Variants in PDCD4 observed in about 807,000 individuals in gnomAD.
PDCD4 encodes the protein programmed cell death 4.
A neutral mutation model predicts 54.0 loss-of-function variants in PDCD4; 56 were observed. The ratio of observed to expected loss-of-function variants is 1.04; its 90% CI spans 0.84 to 1.30. The LOEUF is 1.30. Ranked by LOEUF, PDCD4 falls within the 50% of genes most tolerant of loss-of-function variation. The pLI, the probability that PDCD4 is intolerant of heterozygous loss-of-function variation, is 0.00. For synonymous variants in PDCD4, 186 were observed against 194.8 expected, an observed-to-expected ratio of 0.95 and a Z score of 0.37; for missense variants, 584 against 559.8, an observed-to-expected ratio of 1.04 and a Z score of -0.44.
intron 10 of PDCD4, among the ~76,000 whole-genome samples, chr10:110,894,943 T>C (rs1845809395): frequency 6.6e-6 from 1 of 152,054 alleles, no homozygotes; most frequent in African/African-American, 2.4e-5. Context: ...AAAAAGGTAG[T>C]AAGTGTAAAT....
chr10:110,874,626 C>T (rs1012632540), intron 1 of PDCD4, among the ~76,000 whole-genome samples: 6 of 151,952 alleles, frequency 3.9e-5, no homozygotes, highest in Non-Finnish European at 8.8e-5. Context: ...AATGATCTCA[C>T]CATTTTCTTA....
Position 110,887,636 on chromosome 10 carries a change from A to G in PDCD4, c.556-29A>G, listed in dbSNP as rs746558046. ...AACTATAGGTAGTGATACACTTTTA[A>G]AATGTTTTTAAATTATTTTTTTGAA... On this transcript the variant is annotated intron_variant, in intron 5 of 11. Coordinates refer to ENST00000280154, the MANE Select transcript of PDCD4 (RefSeq NM_014456.5). The G allele has an allele frequency of 6.5e-6, 10 of 1,528,546 alleles. No individual in the cohort carries two copies. The East Asian group carries it at 2.0e-4, about 31-fold the overall frequency. 94.7% of individuals were successfully genotyped at this position (1,528,546 alleles called of 1,614,324 possible).
Position 110,883,042 on chromosome 10 carries a change from A to C in PDCD4, c.386A>C (p.Gln129Pro). 1 of 1,600,798 alleles carries C rather than the reference A, an allele frequency of 6.2e-7. No individual in the cohort carries two copies. The highest frequency in any genetic ancestry group is 8.5e-7 in the Non-Finnish European group (1 of 1,174,994). The stretch of plus-strand genomic sequence containing the variant: ...AAAGGTGTCTGGGGTACACCTGGAC[A>C]GGTGTATGATGTGGAGGAGGTGGAT... ...GGKGVWGTPG[Q>P]VYDVEEVDVK... The change falls in exon 4 of 12, where the codon CAG becomes CCG. Residue 129 changes from glutamine (Q) to proline (P), a missense_variant. Physicochemically the swap from Gln to Pro is moderately conservative, Grantham distance 76. Coordinates refer to ENST00000280154, the MANE Select transcript of PDCD4 (RefSeq NM_014456.5).
Position 110,887,691 on chromosome 10 carries a change from T to C in PDCD4, c.582T>C (p.Gly194=). 2 of 1,612,468 alleles carry C rather than the reference T, an allele frequency of 1.2e-6. No individual in the cohort carries two copies. The highest frequency in any genetic ancestry group is 1.7e-6 in the Non-Finnish European group (2 of 1,178,722). Residue 194 remains glycine, a synonymous_variant, in exon 6 of 12, where the codon GGT becomes GGC. Transcript: ENST00000280154. Reference sequence around the variant, plus strand: ...AAATGTTAAGAGATTTAAATCTTGGTGAAATGAAAAGTGGAGTACCAGTGT... The same window carrying C: ...AAATGTTAAGAGATTTAAATCTTGGCGAAATGAAAAGTGGAGTACCAGTGT... ...VAEMLRDLNL[G]EMKSGVPVLA... is the part of the protein sequence containing the mutation.
intron 4 of PDCD4, among the ~76,000 whole-genome samples, 179 bp downstream of exon 4, chr10:110,883,276 A>G (rs1344123394): frequency 6.6e-6 from 1 of 152,230 alleles, no homozygotes; most frequent in Non-Finnish European, 1.5e-5. Context: ...TGAGTCAAAA[A>G]TAGCTCTTTA....
chr10:110,873,454 G>A (rs1362187950), intron 1 of PDCD4, among the ~76,000 whole-genome samples: 2 of 152,182 alleles, frequency 1.3e-5, no homozygotes, highest in East Asian at 3.8e-4. Flanking sequence ...TATTTCGTGG[G>A]GGAGTGGAGG....
chr10:110,876,547 A>G (rs948501639), intron 2 of PDCD4: 4 of 393,170 alleles, frequency 1.0e-5, no homozygotes, highest in African/African-American at 8.3e-5. Context: ...ATAGTACAGA[A>G]TAGAGAAGAA....
chr10:110,883,868 G>A (rs2135201986), intron 4 of PDCD4, among the ~76,000 whole-genome samples: 1 of 152,246 alleles, frequency 6.6e-6, no homozygotes, highest in South Asian at 2.1e-4. Flanking sequence ...TAATAGATAT[G>A]GAAATATTTC....
Position 110,898,053 on chromosome 10 carries a change from G to A in PDCD4, c.1375G>A (p.Gly459Arg). The A allele has an allele frequency of 6.3e-7, 1 of 1,592,114 alleles. No homozygotes were observed. The change falls in exon 12 of 12, where the codon GGA (glycine) becomes AGA (arginine). Residue 459 changes from glycine (G) to arginine (R), a missense_variant. Coordinates refer to ENST00000280154, the MANE Select transcript of PDCD4 (RefSeq NM_014456.5). Reference sequence around the variant, plus strand: ...GGGCAGAAAGCGTTTTGTAAGCGAAGGAGATGGAGGTCGTCTTAAACCAGA... The same window carrying A: ...GGGCAGAAAGCGTTTTGTAAGCGAAAGAGATGGAGGTCGTCTTAAACCAGA... ...SRGRKRFVSE[G>R]DGGRLKPESY
At position 110,875,955 on chromosome 10, in the gene PDCD4, T is replaced by A; in HGVS notation, c.-62-11T>A. 1.6e-6 allele frequency: 2 copies of A among 1,261,012 alleles called. No individual in the cohort carries two copies. The highest frequency in any genetic ancestry group is 2.2e-6 in the Non-Finnish European group (2 of 895,564). The allele number at this position is 1,261,012 out of a possible 1,614,324, so 78.1% of individuals were successfully genotyped here. On this transcript the variant is annotated splice_polypyrimidine_tract_variant and intron_variant, in intron 1 of 11. Transcript: ENST00000280154. ...ATCTTGAAGCTTTCTTTTTTTCTTT[T>A]AAAAAAACAGATTCTGAAGGAAGAT...
At chr10:110,894,978 T>C (rs888442525) in intron 10 of PDCD4, among the ~76,000 whole-genome samples, 2 of 152,080 alleles carry the variant, frequency 1.3e-5, no homozygotes, top group African/African-American at 4.8e-5. Context: ...GAAAGGAGTT[T>C]GCCCAATGTC....
In PDCD4 at chr10:110,896,022, G is replaced by T; in HGVS notation, c.1284G>T (p.Arg428=). ...CACATTCATACTCTGTGCTGGAGCG[G>T]TTTGTAGAAGAATGTTTTCAGGCTG... The part of the protein sequence containing the change: ...DVPHSYSVLE[R]FVEECFQAGI... The change falls in exon 11 of 12, where the codon CGG becomes CGT. Residue 428 remains arginine, a synonymous_variant. Transcript: ENST00000280154. 1 of 1,610,654 alleles carries T rather than the reference G, an allele frequency of 6.2e-7. No homozygotes were observed.
At chr10:110,886,639 T>G (rs1223793491) in intron 5 of PDCD4, among the ~76,000 whole-genome samples, 1 of 152,150 alleles carries the variant, frequency 6.6e-6, no homozygotes, top group Non-Finnish European at 1.5e-5. Flanking sequence ...CTGCCTTTAT[T>G]CCACTTTCAG....
Position 110,894,358 on chromosome 10 carries a change from G to A in PDCD4, c.1099-54G>A, listed in dbSNP as rs978345176. On this transcript the variant is annotated intron_variant, in intron 9 of 11. Transcript: ENST00000280154. ...CAGAAGGCATCTAGGTGCATTTTAG[G>A]AGCAGTTTCATATATGAATTAACCA... 5 of 979,584 alleles carry A rather than the reference G, an allele frequency of 5.1e-6. No individual in the cohort carries two copies. The African/African-American group carries it at 8.1e-5, about 16-fold the overall frequency. The allele number at this position is 979,584 out of a possible 1,614,324, so 60.7% of individuals were successfully genotyped here.
At chr10:110,876,807 C>CA in intron 2 of PDCD4, 1 of 593,806 alleles carries the variant, frequency 1.7e-6, no homozygotes, top group Non-Finnish European at 2.8e-6. Flanking sequence ...AATAATCTCC[C>CA]AAAAAGTTAA....
At position 110,894,508 on chromosome 10, in the gene PDCD4, G is replaced by T; in HGVS notation, c.1195G>T (p.Asp399Tyr). The T allele has an allele frequency of 7.0e-7, 1 of 1,421,834 alleles. No individual in the cohort carries two copies. Among genetic ancestry groups the T allele is most frequent in the South Asian group, 1.2e-5 (1 of 85,864 alleles). The allele number at this position is 1,421,834 out of a possible 1,614,324, so 88.1% of individuals were successfully genotyped here. A position where few individuals can be genotyped will look rare whatever the true frequency, so the allele number is the denominator to read the frequency against. The change falls in exon 10 of 12, where the codon GAC becomes TAC. Residue 399 changes from aspartate (D) to tyrosine (Y), a missense_variant. Physicochemically the swap from Asp to Tyr is radical, Grantham distance 160. Transcript: ENST00000280154. ...SLWKSSTITVDQMKRGYERIY... is the reference protein window; with the variant it reads ...SLWKSSTITVYQMKRGYERIY... ...TTGGAAGTCTTCTACCATTACTGTAGACCAAATGAAAAGAGTAAGTATAAC... is the reference window on the plus strand; with the variant it reads ...TTGGAAGTCTTCTACCATTACTGTATACCAAATGAAAAGAGTAAGTATAAC...
intron 1 of PDCD4, 85 bp from the exon 2 acceptor site, chr10:110,875,881 C>T: frequency 2.3e-6 from 1 of 434,678 alleles, no homozygotes; most frequent in South Asian, 4.2e-5. Context: ...TTTGTTTTTA[C>T]AGTGTGCTTA....
intron 11 of PDCD4, 21 bp from the exon 12 acceptor site, chr10:110,898,007 C>A: frequency 6.6e-7 from 1 of 1,516,352 alleles, no homozygotes. Flanking sequence ...GTTTTCATGT[C>A]TTTTTTTTTC....
chr10:110,893,000 C>G (rs536549652), intron 8 of PDCD4, among the ~76,000 whole-genome samples: 10 of 152,046 alleles, frequency 6.6e-5, no homozygotes, highest in Admixed American at 4.6e-4. Flanking sequence ...ATATAGTGAC[C>G]TGCTGTACAG....
Sources: gnomAD v4.1 joint callset for allele counts (sites outside exome capture counted in the v4.1 genomes callset) on GRCh38, gnomAD v4.1.1 for gene constraint, MANE v1.5 for transcripts, NCBI Gene and HGNC (gene_info 2026-07-23, HGNC 2026-07-21) for gene names.